The following RELB variants were observed in gnomAD, a reference collection of about 807,000 sequenced individuals.
RELB encodes RELB proto-oncogene, NF-kB subunit, also known as transcription factor RelB.
A neutral mutation model predicts 55.4 loss-of-function variants in RELB; 14 were observed. The observed-to-expected ratio is 0.25, with a 90% CI of 0.17 to 0.40. The LOEUF (loss-of-function observed/expected upper bound fraction) is 0.40. Among genes scored for constraint, RELB ranks in the 10% least tolerant of loss-of-function variants. The pLI is 1.00. For missense variants in RELB, 669 were observed against 830.7 expected, an observed-to-expected ratio of 0.81 and a Z score of 2.39; for synonymous variants, 409 against 371.3, an observed-to-expected ratio of 1.10 and a Z score of -1.17.
chr19:45,024,657 C>G (rs1971536170), intron 5 of RELB, among the ~76,000 whole-genome samples: 1 of 152,080 alleles, frequency 6.6e-6, no homozygotes, highest in South Asian at 2.1e-4. Context: ...TCAAGCAATT[C>G]TCCTGCCTCA....
At chr19:45,004,478 C>T (rs1373791875) in intron 2 of RELB, among the ~76,000 whole-genome samples, 1 of 150,932 alleles carries the variant, frequency 6.6e-6, no homozygotes, top group African/African-American at 2.4e-5. Flanking sequence ...CCCTCCTCGG[C>T]CTCCCAAAGT....
Position 45,011,987 on chromosome 19 carries a change from A to G in RELB, c.215A>G (p.Gln72Arg). Residue 72 changes from glutamine (Q) to arginine (R), a missense_variant, in exon 4 of 12, where the codon CAG becomes CGG. By Grantham distance (43) the Gln-to-Arg change is conservative (BLOSUM62 1). Coordinates refer to ENST00000221452, the MANE Select transcript of RELB (RefSeq NM_006509.4). ...AACGGCTTCGGCCTGGACGGGGGACAGCCGGGCCCGGGCGAGGGGCTGCCA... is the reference window on the plus strand; with the variant it reads ...AACGGCTTCGGCCTGGACGGGGGACGGCCGGGCCCGGGCGAGGGGCTGCCA... ...KENGFGLDGG[Q>R]PGPGEGLPRL... 1 of 1,576,916 alleles carries G rather than the reference A, an allele frequency of 6.3e-7. No homozygotes were observed. Among genetic ancestry groups the G allele is most frequent in the South Asian group, 1.2e-5 (1 of 86,844 alleles).
intron 8 of RELB, 190 bp from the exon 9 acceptor site, chr19:45,032,344 G>A (rs879779288): frequency 3.8e-5 from 20 of 532,688 alleles, no homozygotes; most frequent in Middle Eastern, 5.1e-4. Context: ...GCTTGAACCC[G>A]GGAGGCAGAG....
At chr19:45,002,130 A>C (rs564149764) in intron 1 of RELB, among the ~76,000 whole-genome samples, 169 of 28,728 alleles carry the variant, frequency 5.9e-3, no homozygotes, top group Admixed American at 0.036. Context: ...CCGTGAGGGC[A>C]GGAAGGGGGC....
intron 8 of RELB, among the ~76,000 whole-genome samples, chr19:45,029,742 C>T (rs549277055): frequency 2.6e-5 from 4 of 151,752 alleles, no homozygotes; most frequent in East Asian, 1.9e-4. Flanking sequence ...CCCAGCTACT[C>T]GGGAGGCTGA....
intron 4 of RELB, among the ~76,000 whole-genome samples, chr19:45,021,421 G>A (rs62117224): frequency 0.27 from 37,915 of 141,672 alleles, 6,343 homozygotes; most frequent in Non-Finnish European, 0.37. Context: ...TGCAGTGAGC[G>A]GATCCAGCCT....
chr19:45,001,902 G>T (rs1178675837), intron 1 of RELB, among the ~76,000 whole-genome samples: 1 of 151,928 alleles, frequency 6.6e-6, no homozygotes, highest in African/African-American at 2.4e-5. Flanking sequence ...CCGCTGTAGA[G>T]TGAGAGGGGG....
chr19:45,021,822 A>T (rs987404474), intron 4 of RELB: 1 of 433,156 alleles, frequency 2.3e-6, no homozygotes, highest in Non-Finnish European at 4.1e-6. Flanking sequence ...TGATCCGCCC[A>T]CCTCGGCCTT....
rs924522806 is a variant in RELB at position 45,011,508 on chromosome 19, G to C, written c.164-428G>C. ...GTCTCACTCTGTCGCCCAGGCTGGC[G>C]TGCAGTGTCACGATCTTGACTTACT... On this transcript the variant is annotated intron_variant, in intron 3 of 11. Transcript: ENST00000221452. Among the ~76,000 whole-genome samples the C allele has an allele frequency of 2.6e-5, 4 of 151,762 alleles. No individual in the cohort carries two copies. In the East Asian group the frequency reaches 7.7e-4, roughly 29 times the overall value.
chr19:45,029,251 A>T (rs1298608117), intron 8 of RELB, among the ~76,000 whole-genome samples: 3 of 152,192 alleles, frequency 2.0e-5, no homozygotes, highest in Admixed American at 6.5e-5. Context: ...CGGTGCCATC[A>T]CAGAGCTCAC....
intron 4 of RELB, among the ~76,000 whole-genome samples, chr19:45,015,591 C>T (rs1174391514): frequency 6.6e-6 from 1 of 151,946 alleles, no homozygotes; most frequent in Non-Finnish European, 1.5e-5. Context: ...AAAAATTAGC[C>T]AGGCGTGGTG....
chr19:45,012,757 AAG>A (rs1971378234), intron 4 of RELB, among the ~76,000 whole-genome samples: 1 of 150,922 alleles, frequency 6.6e-6, no homozygotes, highest in South Asian at 2.1e-4. Flanking sequence ...AAAAAAAAAA[AAG>A]AAGGCAGATC....
At chr19:45,009,548 A>G (rs992242913) in intron 2 of RELB, among the ~76,000 whole-genome samples, 9 of 152,154 alleles carry the variant, frequency 5.9e-5, no homozygotes, top group Non-Finnish European at 1.2e-4. Flanking sequence ...CCTGGTCTAA[A>G]TGTTTTTCGG....
In RELB at chr19:45,001,697, T is replaced by C; in HGVS notation, c.106+12T>C. 1 of 1,481,696 alleles carries C rather than the reference T, an allele frequency of 6.7e-7. No individual in the cohort carries two copies. Among genetic ancestry groups the C allele is most frequent in the Admixed American group, 2.1e-5 (1 of 46,926 alleles). 91.8% of individuals were successfully genotyped at this position (1,481,696 alleles called of 1,614,324 possible). Reference sequence around the variant, plus strand: ...GCTGGGGGCCTTAGGTAAGCGGGGCTGGGGTTCAGGAGAGGGGTCTGGGGC... The same window carrying C: ...GCTGGGGGCCTTAGGTAAGCGGGGCCGGGGTTCAGGAGAGGGGTCTGGGGC... On this transcript the variant is annotated intron_variant, in intron 1 of 11. Transcript: ENST00000221452.
chr19:45,034,524 C>T lies in RELB; in HGVS notation c.1350C>T (p.Gly450=). ...AILDHFLPNH[G]SGPFLPPSAL... is the part of the protein sequence containing the mutation. ...TGGACCACTTCCTGCCCAACCACGG[C>T]TCAGGTGGGTCCCAGCTACACATAA... Residue 450 remains glycine (G), a synonymous_variant, in exon 11 of 12, where the codon GGC becomes GGT. Transcript: ENST00000221452. 1.9e-6 allele frequency: 3 copies of T among 1,599,282 alleles called. No homozygotes were observed. The highest frequency in any genetic ancestry group is 2.6e-6 in the Non-Finnish European group (3 of 1,173,190).
chr19:45,034,227 T>C lies in RELB; in HGVS notation c.1208-17T>C, dbSNP rs753313176. The C allele has an allele frequency of 6.3e-7, 1 of 1,599,904 alleles. No individual in the cohort carries two copies. ...TGATGAATTACTTCTTGTGTGTCCC[T>C]GGTATCTCCTTAACAGACAGCTACG... On this transcript the variant is annotated splice_polypyrimidine_tract_variant and intron_variant, in intron 9 of 11. Coordinates refer to ENST00000221452, the MANE Select transcript of RELB (RefSeq NM_006509.4).
intron 1 of RELB, 34 bp from the exon 2 acceptor site, chr19:45,002,915 C>T: frequency 6.2e-7 from 1 of 1,601,536 alleles, no homozygotes; most frequent in Non-Finnish European, 8.5e-7. Flanking sequence ...GGCTGCCCCC[C>T]ATCACCTCCT....
chr19:45,033,106 T>C lies in RELB; in HGVS notation c.1207+357T>C, dbSNP rs200346398. Among the ~76,000 whole-genome samples, 11 of 152,132 alleles carry C rather than the reference T, an allele frequency of 7.2e-5. No homozygotes were observed. In the East Asian group the frequency reaches 2.1e-3, roughly 29 times the overall value. On this transcript the variant is annotated intron_variant, in intron 9 of 11. Transcript: ENST00000221452. ...CTCATGAGGCTTATAGTCCTGAGGA[T>C]AGGGGACAGCCTGTCCCTACAGAGT...
chr19:45,029,242 G>A lies in RELB; in HGVS notation c.991+250G>A, dbSNP rs1971593224. Among the ~76,000 whole-genome samples the A allele has an allele frequency of 1.3e-5, 2 of 152,198 alleles. 1 individual carries two copies. Among genetic ancestry groups the A allele is most frequent in the South Asian group, 4.1e-4 (2 of 4,832 alleles). ...TGGTGACCCATGCTGCAAGCTAGGC[G>A]GTGCCATCACAGAGCTCACGACATG... On this transcript the variant is annotated intron_variant, in intron 8 of 11. Transcript: ENST00000221452.
Sources: gnomAD v4.1 joint callset for allele counts (sites outside exome capture counted in the v4.1 genomes callset) on GRCh38, gnomAD v4.1.1 for gene constraint, MANE v1.5 for transcripts, NCBI Gene and HGNC (gene_info 2026-07-23, HGNC 2026-07-21) for gene names.